The following LIX1L variants were observed in gnomAD, a reference collection of about 807,000 sequenced individuals.
LIX1L encodes LIX1-like protein.
Under a neutral mutation model 34.0 loss-of-function variants are expected in LIX1L, and 20 were observed. The observed-to-expected ratio is 0.59, with a 90% confidence interval of 0.41 to 0.85. The LOEUF is 0.85. LIX1L is among the 40% of genes least tolerant of loss of function. LIX1L has a pLI of 0.00. For missense variants in LIX1L, 397 were observed against 447.0 expected (o/e 0.89, Z 1.01); for synonymous variants, 170 against 187.4 (o/e 0.91, Z 0.76).
chr1:145,947,813 T>C (rs1553759424), intron 1 of LIX1L, 31 bp from the exon 2 acceptor site: 1 of 1,609,238 alleles, frequency 6.2e-7, no homozygotes, highest in Admixed American at 1.7e-5. Flanking sequence ...AGTTCAGCAA[T>C]GAATGAGAAC....
chr1:145,951,235 C>T (rs1649288876), intron 1 of LIX1L, among the ~76,000 whole-genome samples: 1 of 152,116 alleles, frequency 6.6e-6, no homozygotes, highest in Non-Finnish European at 1.5e-5. Flanking sequence ...TTAGTAGAGA[C>T]ACGGTTTCAC....
In LIX1L at chr1:145,937,626, C is replaced by G; in HGVS notation, c.671G>C (p.Gly224Ala). The G allele has an allele frequency of 6.2e-7, 1 of 1,612,892 alleles. No homozygotes were observed. Among genetic ancestry groups the G allele is most frequent in the South Asian group, 1.1e-5 (1 of 91,020 alleles). The change falls in exon 4 of 6, where the codon GGC becomes GCC. Residue 224 changes from glycine (G) to alanine (A), a missense_variant. This residue lies in a region of LIX1L where 174 missense variants were observed against 204.0 expected (regional missense o/e 0.85). Transcript: ENST00000604000. ...TACCTGGAACTCCAACATTGATTTG[C>G]CCTTGTTGGATTCCAGCATGAATCG... Reference protein sequence around the residue: ...AFRFMLESNKGKSMLEFQELM... With the variant: ...AFRFMLESNKAKSMLEFQELM...
chr1:145,945,686 T>G (rs587646794), intron 2 of LIX1L, among the ~76,000 whole-genome samples: 4 of 148,504 alleles, frequency 2.7e-5, no homozygotes, highest in African/African-American at 9.9e-5. Context: ...GAGGCAGAGG[T>G]TGCAGTGAGC....
Position 145,957,844 on chromosome 1 carries a change from C to T in LIX1L, c.84G>A (p.Val28=), listed in dbSNP as rs782388961. 2 of 1,424,758 alleles carry T rather than the reference C, an allele frequency of 1.4e-6. No homozygotes were observed. The highest frequency in any genetic ancestry group is 1.8e-6 in the Non-Finnish European group (2 of 1,090,122). 88.3% of individuals were successfully genotyped at this position (1,424,758 alleles called of 1,614,324 possible). ...RGTLRALRPG[V]TGAAAATATP... is the part of the protein sequence containing the mutation. ...TGGCGGTGGCGGCCGCGGCCCCAGT[C>T]ACTCCGGGCCGCAGCGCTCGGAGAG... Residue 28 remains valine (V), a synonymous_variant, in exon 1 of 6, where the codon GTG becomes GTA. Transcript: ENST00000604000.
intron 1 of LIX1L, among the ~76,000 whole-genome samples, chr1:145,953,076 A>ATAATT (rs1466516011): frequency 2.6e-5 from 4 of 152,094 alleles, no homozygotes; most frequent in Non-Finnish European, 5.9e-5. Context: ...CCATGCCTGG[A>ATAATT]TAATTCAAAA....
In LIX1L at chr1:145,934,277, T is replaced by TA. The variant is rs1648534879; in HGVS notation, c.*2032dup. Reference sequence around the variant, plus strand: ...GGAGAGAAGTGGGGGAGAATGGTGTTAAAAACACAAATAGTGCCGGGCGCG... The same window carrying TA: ...GGAGAGAAGTGGGGGAGAATGGTGTTAAAAAACACAAATAGTGCCGGGCGCG... On this transcript the variant is annotated 3_prime_UTR_variant, in exon 6 of 6. Transcript: ENST00000604000. 1.3e-5 allele frequency: 2 copies of TA among 152,086 alleles called. No homozygotes were observed. The highest frequency in any genetic ancestry group is 1.3e-4 in the Admixed American group (2 of 15,260). The allele number at this position is 152,086 out of a possible 1,614,324, so 9.4% of individuals were successfully genotyped here.
At chr1:145,942,993 G>C in intron 2 of LIX1L, 140 bp from the exon 3 acceptor site, 1 of 801,242 alleles carries the variant, frequency 1.2e-6, no homozygotes, top group Non-Finnish European at 2.0e-6. Context: ...CACTTTCCAA[G>C]GTTTTTATGG....
chr1:145,950,617 C>T (rs1258636914), intron 1 of LIX1L, among the ~76,000 whole-genome samples: 3 of 151,094 alleles, frequency 2.0e-5, no homozygotes, highest in African/African-American at 4.9e-5. Flanking sequence ...CCGCCCGCCT[C>T]GGCCTCCCAA....
At chr1:145,950,700 G>A (rs1181884020) in intron 1 of LIX1L, among the ~76,000 whole-genome samples, 1 of 152,214 alleles carries the variant, frequency 6.6e-6, no homozygotes, top group Non-Finnish European at 1.5e-5. Flanking sequence ...GGCTAAGTCA[G>A]TGAGAAGTCC....
chr1:145,940,823 TTACA>T (rs587643674), intron 3 of LIX1L, among the ~76,000 whole-genome samples: 182 of 151,954 alleles, frequency 1.2e-3, no homozygotes, highest in African/African-American at 4.2e-3. Flanking sequence ...AGTGCTGGGA[TTACA>T]GGCATGAGCC....
In LIX1L at chr1:145,947,772, C is replaced by T. The variant is rs1163327483; in HGVS notation, c.303G>A (p.Val101=). The change falls in exon 2 of 6, where the codon GTG becomes GTA. Residue 101 remains valine, a synonymous_variant. Coordinates refer to ENST00000604000, the MANE Select transcript of LIX1L (RefSeq NM_153713.3). ...TCTGCCAGAATTCCTGAAGTGCCTC[C>T]ACCACATTCACTACAAAAGAGAAGT... ...HTQGYGRVNV[V]EALQEFWQMK... is the part of the protein sequence containing the mutation. 6.2e-7 allele frequency: 1 copy of T among 1,614,032 alleles called. No individual in the cohort carries two copies. Among genetic ancestry groups the T allele is most frequent in the Non-Finnish European group, 8.5e-7 (1 of 1,180,016 alleles).
intron 3 of LIX1L, among the ~76,000 whole-genome samples, 194 bp downstream of exon 3, chr1:145,942,519 C>G (rs1553758776): frequency 1.3e-5 from 2 of 152,136 alleles, no homozygotes. Context: ...CACATAAACA[C>G]AGATACAGAA....
intron 3 of LIX1L, 118 bp from the exon 4 acceptor site, chr1:145,937,817 G>T: frequency 1.5e-6 from 1 of 673,708 alleles, no homozygotes; most frequent in Non-Finnish European, 2.7e-6. Flanking sequence ...TTTCCTCTCT[G>T]CCACATTAAA....
chr1:145,942,989 C>A (rs1648977287), intron 2 of LIX1L, 136 bp from the exon 3 acceptor site: 6 of 846,886 alleles, frequency 7.1e-6, no homozygotes, highest in Non-Finnish European at 7.4e-6. Flanking sequence ...AACACACTTT[C>A]CAAGGTTTTT....
chr1:145,941,653 T>C (rs782626572), intron 3 of LIX1L, among the ~76,000 whole-genome samples: 1 of 152,160 alleles, frequency 6.6e-6, no homozygotes, highest in African/African-American at 2.4e-5. Flanking sequence ...ATTTCTAAGA[T>C]GTAATTAAAT....
chr1:145,956,426 T>C (rs781804344), intron 1 of LIX1L, among the ~76,000 whole-genome samples: 26 of 152,160 alleles, frequency 1.7e-4, no homozygotes, highest in Non-Finnish European at 3.4e-4. Context: ...TATATGTCAT[T>C]TGCAATGTCT....
chr1:145,957,699 G>C lies in LIX1L; in HGVS notation c.229C>G (p.Leu77Val). Residue 77 changes from leucine to valine, a missense_variant, in exon 1 of 6, where the codon CTG becomes GTG. Around this residue, in one of 3 missense-constraint regions of LIX1L, gnomAD observed 207 missense variants for 205.2 expected, o/e 1.01. Transcript: ENST00000604000. ...PPGAAGSPAV[L>V]REAVEAVVRS... The stretch of plus-strand genomic sequence containing the variant: ...ACCACGGCCTCCACGGCCTCTCGCA[G>C]CACTGCCGGGCTGCCGGCGGCGCCG... 1 of 1,512,636 alleles carries C rather than the reference G, an allele frequency of 6.6e-7. No individual in the cohort carries two copies. The highest frequency in any genetic ancestry group is 8.8e-7 in the Non-Finnish European group (1 of 1,136,238). The allele number at this position is 1,512,636 out of a possible 1,614,324, so 93.7% of individuals were successfully genotyped here.
intron 3 of LIX1L, among the ~76,000 whole-genome samples, chr1:145,938,371 G>C (rs1648750637): frequency 6.6e-6 from 1 of 151,992 alleles, no homozygotes; most frequent in African/African-American, 2.4e-5. Flanking sequence ...AAGACACACT[G>C]TCCTGCATTC....
In LIX1L at chr1:145,947,468, T is replaced by A. The variant is rs782265380; in HGVS notation, c.456+151A>T. The stretch of plus-strand genomic sequence containing the variant: ...TACTGAGGTTCTACTATGGTCAAAT[T>A]GGCCTCAGATGCTTGCCAGAATAAT... On this transcript the variant is annotated intron_variant, in intron 2 of 5. Coordinates refer to ENST00000604000, the MANE Select transcript of LIX1L (RefSeq NM_153713.3). 688 of 748,486 alleles carry A rather than the reference T, an allele frequency of 9.2e-4. 3 individuals carry two copies. Among genetic ancestry groups the A allele is most frequent in the South Asian group, 2.0e-3 (103 of 52,784 alleles). The allele number at this position is 748,486 out of a possible 1,614,324, so 46.4% of individuals were successfully genotyped here.
Sources: allele counts gnomAD v4.1 joint callset (sites outside exome capture counted in the v4.1 genomes callset), GRCh38; gene constraint gnomAD v4.1.1; regional missense constraint gnomAD v4.1.1; transcripts MANE v1.5; gene names NCBI Gene and HGNC (gene_info 2026-07-23, HGNC 2026-07-21).